Variants in DOCK3 observed in about 807,000 individuals in gnomAD.
DOCK3 encodes the protein dedicator of cytokinesis 3.
In DOCK3, 60 loss-of-function variants were observed where a neutral mutation model predicts 265.6. The ratio of observed to expected loss-of-function variants is 0.23; its 90% CI spans 0.18 to 0.28. The LOEUF (loss-of-function observed/expected upper bound fraction) is 0.28, where lower values mean the gene tolerates loss of function less well. Among genes scored for constraint, DOCK3 ranks in the 10% least tolerant of loss-of-function variants. The pLI is 1.00. For missense variants in DOCK3, 1,981 were observed against 2,594.3 expected, an observed-to-expected ratio of 0.76 and a Z score of 5.14; for synonymous variants, 881 against 938.0, an observed-to-expected ratio of 0.94 and a Z score of 1.11.
chr3:50,688,049 A>C (rs1165803294), intron 1 of DOCK3, among the ~76,000 whole-genome samples: 1 of 152,214 alleles, frequency 6.6e-6, no homozygotes, highest in Non-Finnish European at 1.5e-5. Context: ...TAATTATAGT[A>C]CTAGCCGAAA....
chr3:51,260,043 C>G, intron 22 of DOCK3, 113 bp from the exon 23 acceptor site: 1 of 1,092,306 alleles, frequency 9.2e-7, no homozygotes, highest in East Asian at 2.7e-5. Context: ...TAGAATTGCC[C>G]AACACCTGAT....
chr3:50,734,794 G>A (rs561312576), intron 1 of DOCK3, among the ~76,000 whole-genome samples: 11 of 151,734 alleles, frequency 7.2e-5, no homozygotes, highest in Non-Finnish European at 1.3e-4. Context: ...TAGTAGAGGC[G>A]GGGTTTCACT....
intron 6 of DOCK3, among the ~76,000 whole-genome samples, chr3:51,073,565 C>A (rs979156152): frequency 6.6e-6 from 1 of 152,124 alleles, no homozygotes; most frequent in African/African-American, 2.4e-5. Context: ...CTTCAATTGG[C>A]ATAGTTTTAT....
At chr3:51,329,571 G>A (rs1370613361) in intron 32 of DOCK3, among the ~76,000 whole-genome samples, 2 of 152,206 alleles carry the variant, frequency 1.3e-5, no homozygotes, top group African/African-American at 4.8e-5. Context: ...CCCAGTGATA[G>A]GAACAGCAGC....
intron 27 of DOCK3, among the ~76,000 whole-genome samples, chr3:51,309,629 GCGAGAGCGAGA>G: frequency 5.5e-4 from 1 of 1,820 alleles, no homozygotes; most frequent in Non-Finnish European, 9.8e-4. Flanking sequence ...GAGAGCGAGA[GCGAGAGCGAGA>G]GCGAGAGCGA....
chr3:51,346,303 C>T lies in DOCK3; in HGVS notation c.3916-2549C>T, dbSNP rs183864903. Among the ~76,000 whole-genome samples, 589 of 150,706 alleles carry T rather than the reference C, an allele frequency of 3.9e-3. 6 individuals are homozygous for T. The highest frequency in any genetic ancestry group is 0.014 in the African/African-American group (556 of 40,814). On this transcript the variant is annotated intron_variant, in intron 38 of 52. Transcript: ENST00000266037. ...ATCCCTCCCCCCTCCCACCACCCCACGACAGGCCCTGGTGTGTGATGTTCC... is the reference window on the plus strand; with the variant it reads ...ATCCCTCCCCCCTCCCACCACCCCATGACAGGCCCTGGTGTGTGATGTTCC...
intron 3 of DOCK3, among the ~76,000 whole-genome samples, chr3:50,842,265 A>G (rs1011380107): frequency 6.6e-5 from 10 of 152,182 alleles, no homozygotes; most frequent in Non-Finnish European, 1.3e-4. Context: ...TGTATTTGCA[A>G]ACACTTCTTT....
chr3:50,747,030 A>C (rs1257830811), intron 1 of DOCK3, among the ~76,000 whole-genome samples: 2 of 151,942 alleles, frequency 1.3e-5, no homozygotes, highest in African/African-American at 4.8e-5. Flanking sequence ...ATGGATATCC[A>C]TTTGTTCCCA....
intron 4 of DOCK3, among the ~76,000 whole-genome samples, chr3:50,907,245 G>C (rs1030175202): frequency 2.0e-5 from 3 of 152,116 alleles, no homozygotes; most frequent in African/African-American, 7.3e-5. Context: ...TTGGTGTGGA[G>C]AGTTCGTTAG....
intron 1 of DOCK3, among the ~76,000 whole-genome samples, chr3:50,771,214 T>C (rs2108471964): frequency 6.6e-6 from 1 of 152,278 alleles, no homozygotes; most frequent in South Asian, 2.1e-4. Context: ...AAAGGATTAA[T>C]GACCAGAATA....
chr3:50,879,027 T>G (rs147263635), intron 3 of DOCK3, among the ~76,000 whole-genome samples: 2,917 of 152,222 alleles, frequency 0.019, 96 homozygotes, highest in African/African-American at 0.066. Context: ...CCAGCCAAAC[T>G]AAGCTTCATA....
chr3:51,280,397 C>G (rs2081048804), intron 27 of DOCK3, among the ~76,000 whole-genome samples, 193 bp downstream of exon 27: 1 of 152,146 alleles, frequency 6.6e-6, no homozygotes, highest in Admixed American at 6.5e-5. Flanking sequence ...CAGCTGGACC[C>G]TCGTAACACT....
chr3:51,231,121 C>CTTTTTTTTTTGTTT (rs2090529433), intron 19 of DOCK3, among the ~76,000 whole-genome samples: 1 of 77,738 alleles, frequency 1.3e-5, no homozygotes, highest in Non-Finnish European at 2.3e-5. Context: ...TATTTTTTGA[C>CTTTTTTTTTTGTTT]TTTTTTTTTT....
At chr3:50,868,365 C>A (rs2047246911) in intron 3 of DOCK3, among the ~76,000 whole-genome samples, 1 of 152,244 alleles carries the variant, frequency 6.6e-6, no homozygotes, top group South Asian at 2.1e-4. Context: ...AGGCACCATG[C>A]CCGGCCTGCT....
chr3:50,782,916 A>G (rs1475154155), intron 2 of DOCK3, among the ~76,000 whole-genome samples: 1 of 149,780 alleles, frequency 6.7e-6, no homozygotes, highest in Non-Finnish European at 1.5e-5. Flanking sequence ...GAGTTACTTC[A>G]CTTAGAATAA....
intron 3 of DOCK3, among the ~76,000 whole-genome samples, chr3:50,861,814 G>T (rs2046925608): frequency 7.0e-6 from 1 of 141,916 alleles, no homozygotes. Context: ...TTGAGCCTTT[G>T]GGTGTCATTA....
chr3:51,283,187 C>G (rs1402132400), intron 27 of DOCK3, among the ~76,000 whole-genome samples: 1 of 152,186 alleles, frequency 6.6e-6, no homozygotes, highest in Non-Finnish European at 1.5e-5. Context: ...CACCAGGCAA[C>G]TGAGGAAACA....
At chr3:51,100,827 C>A (rs573319755) in intron 9 of DOCK3, among the ~76,000 whole-genome samples, 2 of 150,480 alleles carry the variant, frequency 1.3e-5, no homozygotes, top group East Asian at 3.9e-4. Context: ...TAGGATCTTG[C>A]CCTGTTGCTC....
At chr3:50,719,323 A>C (rs1465273877) in intron 1 of DOCK3, among the ~76,000 whole-genome samples, 1 of 149,882 alleles carries the variant, frequency 6.7e-6, no homozygotes, top group Admixed American at 6.7e-5. Context: ...TCTGCAATCC[A>C]ACTAGGCATG....
Sources: gnomAD v4.1 joint callset for allele counts (sites outside exome capture counted in the v4.1 genomes callset) on GRCh38, gnomAD v4.1.1 for gene constraint, MANE v1.5 for transcripts, NCBI Gene and HGNC (gene_info 2026-07-23, HGNC 2026-07-21) for gene names.